The following CSNK1G3 variants were observed in gnomAD, a reference collection of about 807,000 sequenced individuals.
CSNK1G3 encodes casein kinase 1 gamma 3, also known as casein kinase I isoform gamma-3.
In CSNK1G3, 23 loss-of-function variants were observed where a neutral mutation model predicts 64.3. That is an observed-to-expected ratio of 0.36 (90% CI 0.26 to 0.51). The LOEUF (loss-of-function observed/expected upper bound fraction) is 0.51, where lower values mean the gene tolerates loss of function less well. Ranked by LOEUF, CSNK1G3 falls within the 20% of genes least tolerant of loss-of-function variation. The pLI is 0.96. For missense variants in CSNK1G3, 357 were observed against 510.5 expected, an observed-to-expected ratio of 0.70 and a Z score of 2.90; for synonymous variants, 158 against 162.2, an observed-to-expected ratio of 0.97 and a Z score of 0.20.
intron 1 of CSNK1G3, among the ~76,000 whole-genome samples, chr5:123,537,572 C>T (rs933023777): frequency 2.6e-5 from 4 of 152,018 alleles, no homozygotes; most frequent in African/African-American, 9.7e-5. Flanking sequence ...TAGATTTGTA[C>T]AAAACGTAGC....
chr5:123,609,390 C>G (rs1795919816), intron 12 of CSNK1G3, among the ~76,000 whole-genome samples: 1 of 152,044 alleles, frequency 6.6e-6, no homozygotes, highest in Admixed American at 6.6e-5. Flanking sequence ...TGGATAATTT[C>G]TATTTTGGGT....
chr5:123,590,680 T>G, intron 9 of CSNK1G3, 122 bp downstream of exon 9: 1 of 609,174 alleles, frequency 1.6e-6, no homozygotes. Flanking sequence ...TTTATTGTTT[T>G]TTAAGGGACA....
intron 1 of CSNK1G3, 37 bp downstream of exon 1, chr5:123,512,607 C>T (rs1183363777): frequency 1.3e-5 from 2 of 150,260 alleles, no homozygotes; most frequent in East Asian, 3.9e-4. Context: ...CGCTGCCAGC[C>T]CCGGCCCGGC....
chr5:123,541,214 G>A (rs766541708), intron 1 of CSNK1G3, among the ~76,000 whole-genome samples: 12 of 151,820 alleles, frequency 7.9e-5, no homozygotes, highest in Non-Finnish European at 1.2e-4. Context: ...GTTTTGCCTC[G>A]TTTTGCTCAT....
intron 1 of CSNK1G3, among the ~76,000 whole-genome samples, chr5:123,541,946 G>C (rs967043506): frequency 2.6e-5 from 4 of 151,252 alleles, no homozygotes; most frequent in African/African-American, 7.3e-5. Flanking sequence ...TTTATTTCTT[G>C]TACTGTTTTT....
rs75122100 is a variant in CSNK1G3 at position 123,613,188 on chromosome 5, C to CT, written c.1218-1142dup. On this transcript the variant is annotated intron_variant, in intron 12 of 12. Transcript: ENST00000345990. ...AGATAGATGTGTATTTAATTTTTTT[C>CT]TTTTTTTTTTTTGGTGGGAGCAGAT... Among the ~76,000 whole-genome samples, 363 of 140,038 alleles carry CT rather than the reference C, an allele frequency of 2.6e-3. 3 individuals are homozygous for CT. The highest frequency in any genetic ancestry group is 6.7e-3 in the East Asian group (33 of 4,912). 91.9% of individuals were successfully genotyped at this position (140,038 alleles called of 152,430 possible).
chr5:123,598,863 A>G (rs984984743), intron 10 of CSNK1G3, among the ~76,000 whole-genome samples: 5 of 152,174 alleles, frequency 3.3e-5, no homozygotes, highest in Middle Eastern at 3.2e-3. Flanking sequence ...ACAGCTGTCA[A>G]AAGTCTGTAG....
intron 1 of CSNK1G3, among the ~76,000 whole-genome samples, chr5:123,540,344 A>G (rs187383725): frequency 1.3e-4 from 20 of 151,974 alleles, no homozygotes; most frequent in South Asian, 2.1e-4. Context: ...ATATTTTCCT[A>G]TAAGTCTGTA....
chr5:123,577,142 C>T (rs1313260250), intron 6 of CSNK1G3, among the ~76,000 whole-genome samples: 4 of 152,026 alleles, frequency 2.6e-5, no homozygotes, highest in South Asian at 2.1e-4. Context: ...TCTTTGAGTA[C>T]TTTCTTTCTT....
At chr5:123,521,169 A>AT (rs1778029732) in intron 1 of CSNK1G3, among the ~76,000 whole-genome samples, 1 of 152,174 alleles carries the variant, frequency 6.6e-6, no homozygotes, top group South Asian at 2.1e-4. Context: ...ATAGATGCAT[A>AT]TTTTTTACAA....
intron 1 of CSNK1G3, among the ~76,000 whole-genome samples, chr5:123,525,560 G>A (rs1310201214): frequency 6.6e-6 from 1 of 152,070 alleles, no homozygotes; most frequent in African/African-American, 2.4e-5. Context: ...CTCCCAAAGT[G>A]TTGGGATTAC....
intron 10 of CSNK1G3, among the ~76,000 whole-genome samples, chr5:123,598,520 G>A (rs1305271334): frequency 1.3e-5 from 2 of 152,114 alleles, no homozygotes; most frequent in Non-Finnish European, 2.9e-5. Context: ...AAACTGAGAC[G>A]TAAAGAATCA....
At chr5:123,516,497 C>G (rs1373417310) in intron 1 of CSNK1G3, among the ~76,000 whole-genome samples, 1 of 152,040 alleles carries the variant, frequency 6.6e-6, no homozygotes, top group Non-Finnish European at 1.5e-5. Context: ...GGCTTCCCTT[C>G]TATTATGAAA....
At chr5:123,598,204 C>G (rs142124093) in intron 10 of CSNK1G3, among the ~76,000 whole-genome samples, 1 of 152,118 alleles carries the variant, frequency 6.6e-6, no homozygotes, top group Admixed American at 6.6e-5. Context: ...GTGCCCCTCT[C>G]GGTTCCCTCT....
At chr5:123,533,234 A>G (rs1004588079) in intron 1 of CSNK1G3, among the ~76,000 whole-genome samples, 2 of 151,732 alleles carry the variant, frequency 1.3e-5, no homozygotes, top group African/African-American at 4.8e-5. Flanking sequence ...TACCTTACCT[A>G]TTTCCCATTA....
chr5:123,589,404 T>A (rs1791932909), intron 8 of CSNK1G3, among the ~76,000 whole-genome samples: 1 of 152,152 alleles, frequency 6.6e-6, no homozygotes, highest in Admixed American at 6.6e-5. Context: ...GATAGGGTAG[T>A]TGTCATTAAG....
intron 10 of CSNK1G3, among the ~76,000 whole-genome samples, chr5:123,592,606 A>G (rs1381437726): frequency 6.6e-6 from 1 of 151,902 alleles, no homozygotes; most frequent in Non-Finnish European, 1.5e-5. Flanking sequence ...TGACTTTTAT[A>G]TTGTTTATCC....
chr5:123,604,359 A>G (rs1794985962), intron 10 of CSNK1G3, among the ~76,000 whole-genome samples: 1 of 152,092 alleles, frequency 6.6e-6, no homozygotes, highest in African/African-American at 2.4e-5. Flanking sequence ...ATTCAAGGAA[A>G]GTAATTCATG....
intron 1 of CSNK1G3, among the ~76,000 whole-genome samples, chr5:123,534,045 A>G (rs1019402396): frequency 1.3e-5 from 2 of 151,904 alleles, no homozygotes; most frequent in Non-Finnish European, 2.9e-5. Flanking sequence ...AGAAATGTTT[A>G]GAGATAGAAA....
Sources: gnomAD v4.1 joint callset for allele counts (sites outside exome capture counted in the v4.1 genomes callset) on GRCh38, gnomAD v4.1.1 for gene constraint, MANE v1.5 for transcripts, NCBI Gene and HGNC (gene_info 2026-07-23, HGNC 2026-07-21) for gene names.